The following PTPRN2 variants were observed in gnomAD, a reference collection of about 807,000 sequenced individuals.
PTPRN2 encodes the protein receptor-type tyrosine-protein phosphatase N2.
Under a neutral mutation model 118.8 loss-of-function variants are expected in PTPRN2, and 74 were observed. The ratio of observed to expected loss-of-function variants is 0.62; its 90% CI spans 0.52 to 0.76. The LOEUF (loss-of-function observed/expected upper bound fraction) is 0.76. Among genes scored for constraint, PTPRN2 ranks in the 30% least tolerant of loss-of-function variants. The pLI is 0.00. For synonymous variants in PTPRN2, 641 were observed against 608.0 expected (o/e 1.05, Z -0.80); for missense variants, 1,481 against 1,394.4 (o/e 1.06, Z -0.99).
At chr7:157,972,752 C>T (rs915965414) in intron 11 of PTPRN2, among the ~76,000 whole-genome samples, 15 of 151,344 alleles carry the variant, frequency 9.9e-5, no homozygotes, top group Non-Finnish European at 1.9e-4. Flanking sequence ...GCACTCCACA[C>T]CACGAGAGCA....
At position 157,610,356 on chromosome 7, in the gene PTPRN2, A is replaced by C. The variant is rs1169816087; in HGVS notation, c.2345-6281T>G. 1.3e-5 allele frequency among the ~76,000 whole-genome samples: 2 copies of C among 152,162 alleles called. No homozygotes were observed. Among genetic ancestry groups the C allele is most frequent in the African/African-American group, 2.4e-5 (1 of 41,438 alleles). ...CTGCTTTCTGTGAAGGTTTAGGCTC[A>C]GTCATTTATGCTGGCAGGAGGCCCT... On this transcript the variant is annotated intron_variant, in intron 15 of 22. Coordinates refer to ENST00000389418, the MANE Select transcript of PTPRN2 (RefSeq NM_002847.5). This position sits in a 1 kb window ranked among gnomAD's most constrained non-coding sequence, Gnocchi z 5.1.
intron 12 of PTPRN2, among the ~76,000 whole-genome samples, chr7:157,749,192 C>G (rs58498579): frequency 4.8e-4 from 31 of 64,330 alleles, no homozygotes; most frequent in East Asian, 3.3e-3. Flanking sequence ...GAGCTCTGGG[C>G]TGTCCGGGTG....
At chr7:157,885,248 G>C (rs1759765937) in intron 12 of PTPRN2, among the ~76,000 whole-genome samples, 1 of 152,186 alleles carries the variant, frequency 6.6e-6, no homozygotes. Flanking sequence ...GCCCCCACCA[G>C]GGTGGGCTTG....
chr7:158,308,745 A>G (rs1021845021), intron 3 of PTPRN2, among the ~76,000 whole-genome samples: 2 of 152,166 alleles, frequency 1.3e-5, no homozygotes, highest in Non-Finnish European at 2.9e-5. Context: ...ATCTTCTAGC[A>G]AACACTAAGA....
At chr7:158,584,154 A>C (rs796877293) in intron 1 of PTPRN2, among the ~76,000 whole-genome samples, 4 of 152,232 alleles carry the variant, frequency 2.6e-5, no homozygotes, top group African/African-American at 9.6e-5. Flanking sequence ...CTCGAAGCAA[A>C]ATCTGCATGA....
chr7:157,562,529 T>C (rs914654608), intron 21 of PTPRN2, among the ~76,000 whole-genome samples: 1 of 152,218 alleles, frequency 6.6e-6, no homozygotes, highest in African/African-American at 2.4e-5. Flanking sequence ...AGGAACCACA[T>C]GTGGCTACTG....
intron 3 of PTPRN2, among the ~76,000 whole-genome samples, chr7:158,303,905 T>G (rs1801080484): frequency 6.6e-6 from 1 of 152,272 alleles, no homozygotes; most frequent in African/African-American, 2.4e-5. Flanking sequence ...CTGAGCCACA[T>G]GTGGGTGACC....
rs146953181 is a variant in PTPRN2, at chr7:157,924,316, C to T, written c.1724-25579G>A. ...CTGTCCATTGGAACATCAGAAAGGGCGGCCCTGGGCTCAAAGCTGAGGACG... is the reference window on the plus strand; with the variant it reads ...CTGTCCATTGGAACATCAGAAAGGGTGGCCCTGGGCTCAAAGCTGAGGACG... On this transcript the variant is annotated intron_variant, in intron 11 of 22. Transcript: ENST00000389418. Among the ~76,000 whole-genome samples the T allele has an allele frequency of 6.8e-3, 1,038 of 152,308 alleles. 13 individuals are homozygous for T. Among genetic ancestry groups the T allele is most frequent in the African/African-American group, 0.024 (979 of 41,570 alleles).
chr7:157,572,937 G>T (rs955617237), intron 19 of PTPRN2, among the ~76,000 whole-genome samples: 1 of 152,268 alleles, frequency 6.6e-6, no homozygotes, highest in South Asian at 2.1e-4. Flanking sequence ...TGGTGCGAAG[G>T]CTTTGGGGAG....
intron 5 of PTPRN2, among the ~76,000 whole-genome samples, chr7:158,176,143 AC>A (rs1824184144): frequency 1.3e-5 from 2 of 152,228 alleles, no homozygotes; most frequent in East Asian, 3.9e-4. Context: ...CAGAAGCTGC[AC>A]CCAAAAGCCT....
At chr7:157,937,003 T>C (rs1025528946) in intron 11 of PTPRN2, among the ~76,000 whole-genome samples, 3 of 152,262 alleles carry the variant, frequency 2.0e-5, no homozygotes, top group Non-Finnish European at 4.4e-5. Context: ...TCTTGTAGAA[T>C]GTCTTTCTGC....
chr7:157,725,732 C>T (rs1403618910), intron 12 of PTPRN2, among the ~76,000 whole-genome samples: 5 of 67,294 alleles, frequency 7.4e-5, no homozygotes, highest in African/African-American at 1.6e-4. Context: ...TGAGCCAGAC[C>T]CTCACCTCCC....
At chr7:158,337,719 C>A in intron 2 of PTPRN2, among the ~76,000 whole-genome samples, 1 of 131,810 alleles carries the variant, frequency 7.6e-6, no homozygotes, top group African/African-American at 3.0e-5. Context: ...AGCTGACGCC[C>A]GCAGACGTCA....
At chr7:158,354,539 A>C (rs1443953195) in intron 2 of PTPRN2, among the ~76,000 whole-genome samples, 1 of 152,248 alleles carries the variant, frequency 6.6e-6, no homozygotes, top group African/African-American at 2.4e-5. Flanking sequence ...TGAAACAAAA[A>C]TACATTTAGC....
At chr7:158,327,377 TATC>T (rs1416345295) in intron 2 of PTPRN2, among the ~76,000 whole-genome samples, 2 of 66,250 alleles carry the variant, frequency 3.0e-5, no homozygotes, top group African/African-American at 8.2e-5. Flanking sequence ...ACACACACAT[TATC>T]ACATGCACAC....
intron 2 of PTPRN2, among the ~76,000 whole-genome samples, chr7:158,400,375 G>A (rs549692784): frequency 4.6e-5 from 7 of 152,114 alleles, no homozygotes; most frequent in East Asian, 1.9e-4. Context: ...TTTTTGTTTT[G>A]CTTTATTGCT....
At chr7:157,552,246 T>C (rs567587982) in intron 21 of PTPRN2, among the ~76,000 whole-genome samples, 36 of 152,298 alleles carry the variant, frequency 2.4e-4, no homozygotes, top group African/African-American at 7.9e-4. Flanking sequence ...AATTACCACG[T>C]GTAAAAAACA....
chr7:158,218,067 CATG>C (rs1277863501), intron 3 of PTPRN2, among the ~76,000 whole-genome samples: 1 of 152,098 alleles, frequency 6.6e-6, no homozygotes, highest in Non-Finnish European at 1.5e-5. Context: ...TAGAGGTTGA[CATG>C]ATATTCAAGG....
intron 1 of PTPRN2, among the ~76,000 whole-genome samples, chr7:158,527,994 G>A (rs1161469883): frequency 1.3e-5 from 2 of 152,204 alleles, no homozygotes; most frequent in Non-Finnish European, 2.9e-5. Context: ...CCGACACACA[G>A]CAGGGACTCA....
Sources: gnomAD v4.1 joint callset for allele counts (sites outside exome capture counted in the v4.1 genomes callset) on GRCh38, gnomAD v4.1.1 for gene constraint, Gnocchi (gnomAD v3.1) non-coding constraint, MANE v1.5 for transcripts, NCBI Gene and HGNC (gene_info 2026-07-23, HGNC 2026-07-21) for gene names.